Variants in VPS13B observed in about 807,000 individuals in gnomAD.
VPS13B encodes vacuolar protein sorting 13 homolog B.
A neutral mutation model predicts 426.4 loss-of-function variants in VPS13B; 285 were observed. The ratio of observed to expected loss-of-function variants is 0.67; its 90% confidence interval spans 0.61 to 0.74. VPS13B has a LOEUF of 0.74. Ranked by LOEUF, VPS13B falls within the 30% of genes least tolerant of loss-of-function variation. The pLI, the probability that VPS13B is intolerant of heterozygous loss-of-function variation, is 0.00. For missense variants in VPS13B, 4,537 were observed against 4,782.6 expected, an observed-to-expected ratio of 0.95 and a Z score of 1.51; for synonymous variants, 1,676 against 1,676.4, an observed-to-expected ratio of 1.00 and a Z score of 0.01.
At chr8:99,567,360 A>G (rs1199296327) in intron 31 of VPS13B, among the ~76,000 whole-genome samples, 4 of 152,166 alleles carry the variant, frequency 2.6e-5, no homozygotes, top group African/African-American at 7.2e-5. Context: ...TTAATTTAGT[A>G]TGCTCATAAA....
intron 21 of VPS13B, among the ~76,000 whole-genome samples, chr8:99,405,863 C>T (rs1443611794): frequency 1.3e-5 from 2 of 151,416 alleles, no homozygotes; most frequent in Non-Finnish European, 2.9e-5. Context: ...ACTGCAACTT[C>T]CCACCTCCCA....
intron 56 of VPS13B, among the ~76,000 whole-genome samples, chr8:99,858,600 G>A (rs192472988): frequency 1.3e-5 from 2 of 152,186 alleles, no homozygotes; most frequent in Admixed American, 6.5e-5. Flanking sequence ...CAGAAGAATC[G>A]CTTGAACCCA....
At chr8:99,146,449 A>C (rs1810732413) in intron 13 of VPS13B, among the ~76,000 whole-genome samples, 1 of 152,198 alleles carries the variant, frequency 6.6e-6, no homozygotes, top group Non-Finnish European at 1.5e-5. Flanking sequence ...CTCTATGGTA[A>C]ACCTTTATAT....
chr8:99,832,137 C>T (rs1404704933), intron 51 of VPS13B, among the ~76,000 whole-genome samples: 4 of 151,894 alleles, frequency 2.6e-5, no homozygotes, highest in Admixed American at 6.6e-5. Flanking sequence ...TGGCATGTGC[C>T]TGTAGTCCCT....
chr8:99,405,983 T>C (rs1237549573), intron 21 of VPS13B, among the ~76,000 whole-genome samples: 1 of 152,092 alleles, frequency 6.6e-6, no homozygotes, highest in African/African-American at 2.4e-5. Context: ...TTTCACCATA[T>C]TGGCCAGGCT....
intron 2 of VPS13B, among the ~76,000 whole-genome samples, chr8:99,029,127 C>T (rs1396210163): frequency 1.3e-5 from 2 of 150,798 alleles, no homozygotes; most frequent in African/African-American, 2.4e-5. Flanking sequence ...AGGCGCTCCT[C>T]ACATCCCAGA....
At chr8:99,693,810 C>A (rs1369248602) in intron 35 of VPS13B, among the ~76,000 whole-genome samples, 1 of 150,270 alleles carries the variant, frequency 6.7e-6, no homozygotes, top group Non-Finnish European at 1.5e-5. Context: ...TCGTCTCAGC[C>A]CCAAATCTCC....
At chr8:99,693,102 A>G (rs1831763705) in intron 35 of VPS13B, among the ~76,000 whole-genome samples, 1 of 144,026 alleles carries the variant, frequency 6.9e-6, no homozygotes, top group Non-Finnish European at 1.5e-5. Context: ...TCACAGCCGA[A>G]TTCTACCAGA....
chr8:99,377,921 A>T (rs895300461), intron 19 of VPS13B, among the ~76,000 whole-genome samples: 4 of 152,194 alleles, frequency 2.6e-5, no homozygotes, highest in Admixed American at 1.3e-4. Flanking sequence ...TGAAACTAGA[A>T]TTACTAATGA....
rs142079312 is a variant in VPS13B at position 99,767,908 on chromosome 8, G to C, written c.7247+938G>C. Among the ~76,000 whole-genome samples, 454 of 152,244 alleles carry C rather than the reference G, an allele frequency of 3.0e-3. 3 individuals are homozygous for C. The highest frequency in any genetic ancestry group is 0.01 in the African/African-American group (431 of 41,532). ...CTCACCACTGCACTCCAGCCTGGGT[G>C]ACAAAGCAAGACCCTGTCACACACA... On this transcript the variant is annotated intron_variant, in intron 40 of 61. Transcript: ENST00000357162.
rs59943481 is a variant in VPS13B at position 99,709,531 on chromosome 8, G to A, written c.6455-7640G>A. ...CAAAGCATGATTGGTTCTGTTTATC[G>A]TACCAGTTGTTTCTGAAATTATTTC... On this transcript the variant is annotated intron_variant, in intron 36 of 61. Transcript: ENST00000357162. Among the ~76,000 whole-genome samples, 640 of 152,226 alleles carry A rather than the reference G, an allele frequency of 4.2e-3. 2 individuals are homozygous for A. Among genetic ancestry groups the A allele is most frequent in the African/African-American group, 0.014 (590 of 41,530 alleles).
chr8:99,283,205 T>C (rs1819260612), intron 19 of VPS13B, among the ~76,000 whole-genome samples: 2 of 152,246 alleles, frequency 1.3e-5, no homozygotes, highest in African/African-American at 2.4e-5. Flanking sequence ...ATATGTTTAG[T>C]ATTTTTGACA....
intron 3 of VPS13B, among the ~76,000 whole-genome samples, chr8:99,081,429 A>G (rs1466204305): frequency 6.6e-6 from 1 of 152,102 alleles, no homozygotes; most frequent in Non-Finnish European, 1.5e-5. Context: ...TTCAAAGATT[A>G]CTTTTTTTAT....
intron 35 of VPS13B, among the ~76,000 whole-genome samples, chr8:99,688,133 C>CTTT (rs1307921649): frequency 5.6e-4 from 63 of 113,068 alleles, no homozygotes; most frequent in African/African-American, 2.0e-3. Context: ...TCCTTGCTTG[C>CTTT]TTTTTTTTTT....
intron 19 of VPS13B, among the ~76,000 whole-genome samples, chr8:99,327,762 G>A (rs1810351251): frequency 6.6e-6 from 1 of 152,000 alleles, no homozygotes; most frequent in African/African-American, 2.4e-5. Context: ...AAGCTACTTT[G>A]GTTACTCACA....
At chr8:99,336,681 C>A (rs1006759068) in intron 19 of VPS13B, among the ~76,000 whole-genome samples, 5 of 152,130 alleles carry the variant, frequency 3.3e-5, no homozygotes, top group African/African-American at 7.2e-5. Flanking sequence ...AATCAAATAA[C>A]CCCATCAAAA....
At chr8:99,213,659 G>A (rs1815230568) in intron 17 of VPS13B, among the ~76,000 whole-genome samples, 1 of 152,132 alleles carries the variant, frequency 6.6e-6, no homozygotes, top group African/African-American at 2.4e-5. Context: ...ACCTCTGTTG[G>A]TATAACTTTT....
intron 7 of VPS13B, among the ~76,000 whole-genome samples, chr8:99,120,871 C>T (rs188874108): frequency 7.2e-5 from 11 of 152,006 alleles, no homozygotes; most frequent in Non-Finnish European, 1.0e-4. Context: ...CATTCATGAG[C>T]GATGTTAAAG....
intron 40 of VPS13B, among the ~76,000 whole-genome samples, chr8:99,776,095 G>A (rs2130664793): frequency 6.6e-6 from 1 of 152,276 alleles, no homozygotes; most frequent in Non-Finnish European, 1.5e-5. Context: ...GGAAATATGG[G>A]TATGGACAAT....
Sources: allele counts gnomAD v4.1 joint callset (sites outside exome capture counted in the v4.1 genomes callset), GRCh38; gene constraint gnomAD v4.1.1; transcripts MANE v1.5; gene names NCBI Gene and HGNC (gene_info 2026-07-23, HGNC 2026-07-21).